ADAM32: variants seen among roughly 807,000 people sequenced by gnomAD.
ADAM32 encodes ADAM metallopeptidase domain 32.
In ADAM32, 89 loss-of-function variants were observed where a neutral mutation model predicts 114.9. The observed-to-expected ratio is 0.77, with a 90% confidence interval of 0.65 to 0.92. The LOEUF is 0.92. Among genes scored for constraint, ADAM32 ranks in the 40% least tolerant of loss-of-function variants. ADAM32 has a pLI of 0.00. For synonymous variants in ADAM32, 285 were observed against 307.5 expected (o/e 0.93, Z 0.77); for missense variants, 870 against 932.8 (o/e 0.93, Z 0.88).
At chr8:39,121,592 A>C (rs972517081) in intron 2 of ADAM32, among the ~76,000 whole-genome samples, 2 of 152,202 alleles carry the variant, frequency 1.3e-5, no homozygotes, top group Non-Finnish European at 2.9e-5. Flanking sequence ...CAGAACTTGA[A>C]GTATAATAAA....
intron 16 of ADAM32, among the ~76,000 whole-genome samples, chr8:39,244,689 G>A (rs1032677940): frequency 1.2e-4 from 19 of 152,086 alleles, no homozygotes; most frequent in East Asian, 3.8e-4. Flanking sequence ...ATCACACACC[G>A]GGGCCTGTTG....
chr8:39,155,787 A>AT (rs1285079382), intron 6 of ADAM32, among the ~76,000 whole-genome samples: 1 of 151,030 alleles, frequency 6.6e-6, no homozygotes, highest in South Asian at 2.1e-4. Flanking sequence ...TGTTTAGTGG[A>AT]TTTTTTTCTA....
chr8:39,270,855 A>T, intron 19 of ADAM32, 21 bp from the exon 20 acceptor site: 1 of 1,599,994 alleles, frequency 6.3e-7, no homozygotes, highest in African/African-American at 1.3e-5. Context: ...CTAACATGAG[A>T]CATTTTCAAT....
At position 39,223,214 on chromosome 8, in the gene ADAM32, CGTTGTGAGAGTGT is replaced by C; in HGVS notation, c.1502_1514del (p.Arg501HisfsTer48). ...CGGAGACTGCCATGATCTCGATGCA[CGTTGTGAGAGTGT>C]ATTTGGAAAAGGTAATATCTTTTTG... is the stretch of plus-strand genomic sequence containing the variant. On this transcript the variant is annotated frameshift_variant, in exon 14 of 25. Coordinates refer to ENST00000379907, the MANE Select transcript of ADAM32 (RefSeq NM_145004.7). LOFTEE classifies it high-confidence loss of function. The C allele has an allele frequency of 2.5e-6, 4 of 1,588,320 alleles. No homozygotes were observed. Among genetic ancestry groups the C allele is most frequent in the Non-Finnish European group, 3.4e-6 (4 of 1,169,232 alleles).
At chr8:39,145,575 G>A (rs1803456293) in intron 3 of ADAM32, among the ~76,000 whole-genome samples, 1 of 152,166 alleles carries the variant, frequency 6.6e-6, no homozygotes, top group Admixed American at 6.5e-5. Flanking sequence ...AAGGGACTTA[G>A]AAACGTAGAA....
intron 24 of ADAM32, 57 bp from the exon 25 acceptor site, chr8:39,284,736 T>G: frequency 6.3e-7 from 1 of 1,599,546 alleles, no homozygotes; most frequent in South Asian, 1.1e-5. Flanking sequence ...GCTTGTACAG[T>G]GGGAGGGAAT....
intron 16 of ADAM32, among the ~76,000 whole-genome samples, chr8:39,241,110 G>T (rs1026525885): frequency 4.6e-5 from 7 of 152,204 alleles, no homozygotes; most frequent in Non-Finnish European, 1.0e-4. Context: ...CCAAAATCCA[G>T]CAGGGCAGTG....
At chr8:39,190,783 T>C (rs1030468882) in intron 11 of ADAM32, among the ~76,000 whole-genome samples, 1 of 152,232 alleles carries the variant, frequency 6.6e-6, no homozygotes, top group Non-Finnish European at 1.5e-5. Flanking sequence ...ATTTTTATTT[T>C]AGGTTCAGGG....
At chr8:39,186,105 T>C (rs1377601560) in intron 10 of ADAM32, among the ~76,000 whole-genome samples, 1 of 152,224 alleles carries the variant, frequency 6.6e-6, no homozygotes, top group Non-Finnish European at 1.5e-5. Flanking sequence ...CTGATTCCGT[T>C]TGCATTTTCC....
intron 12 of ADAM32, among the ~76,000 whole-genome samples, chr8:39,218,033 A>G (rs986062756): frequency 1.3e-5 from 2 of 151,936 alleles, no homozygotes; most frequent in Non-Finnish European, 2.9e-5. Flanking sequence ...AGAGTATTTG[A>G]AAGGACTTAA....
At chr8:39,253,389 ACTTCT>A (rs148591564) in intron 17 of ADAM32, among the ~76,000 whole-genome samples, 1 of 151,844 alleles carries the variant, frequency 6.6e-6, no homozygotes, top group African/African-American at 2.4e-5. Flanking sequence ...CAGTCTCTGC[ACTTCT>A]CTTCAACTTG....
intron 16 of ADAM32, among the ~76,000 whole-genome samples, 165 bp from the exon 17 acceptor site, chr8:39,245,918 C>CA (rs562208494): frequency 8.5e-4 from 128 of 151,306 alleles, no homozygotes; most frequent in African/African-American, 2.9e-3. Context: ...TCTTTTCTTG[C>CA]AAAAAAAATA....
intron 2 of ADAM32, among the ~76,000 whole-genome samples, chr8:39,129,371 G>T (rs1802306886): frequency 6.6e-6 from 1 of 152,024 alleles, no homozygotes; most frequent in South Asian, 2.1e-4. Flanking sequence ...TCATGTTCAG[G>T]AGGTTCCCTT....
At chr8:39,121,056 A>G (rs976955064) in intron 2 of ADAM32, among the ~76,000 whole-genome samples, 1 of 152,246 alleles carries the variant, frequency 6.6e-6, no homozygotes, top group South Asian at 2.1e-4. Flanking sequence ...AAAAGGAACA[A>G]GAACTTGAAG....
intron 13 of ADAM32, among the ~76,000 whole-genome samples, chr8:39,222,707 C>A (rs982249060): frequency 1.3e-5 from 2 of 152,006 alleles, no homozygotes; most frequent in African/African-American, 2.4e-5. Context: ...TAGAAATGGA[C>A]TAAATTACAT....
At chr8:39,262,675 C>T (rs1812111154) in intron 19 of ADAM32, among the ~76,000 whole-genome samples, 1 of 151,360 alleles carries the variant, frequency 6.6e-6, no homozygotes, top group African/African-American at 2.4e-5. Flanking sequence ...CTTTCTCCCT[C>T]TCTCTCTTTC....
At chr8:39,183,600 A>G (rs1271385955) in intron 10 of ADAM32, among the ~76,000 whole-genome samples, 4 of 152,130 alleles carry the variant, frequency 2.6e-5, no homozygotes, top group African/African-American at 7.2e-5. Flanking sequence ...CCTAATGGCT[A>G]TGGGGGAAAT....
intron 16 of ADAM32, among the ~76,000 whole-genome samples, chr8:39,242,329 A>AT (rs1225071925): frequency 3.9e-5 from 6 of 152,092 alleles, no homozygotes; most frequent in Admixed American, 3.9e-4. Flanking sequence ...TCACTTTCAC[A>AT]TTTTTGGGTT....
upstream of ADAM32, chr8:39,107,659 C>T (rs1468564093): frequency 6.6e-7 from 1 of 1,514,676 alleles, no homozygotes; most frequent in Admixed American, 2.1e-5. Flanking sequence ...CCGGGGCCTC[C>T]GGAGAACGCT....
Sources: gnomAD v4.1 joint callset for allele counts (sites outside exome capture counted in the v4.1 genomes callset) on GRCh38, gnomAD v4.1.1 for gene constraint, MANE v1.5 for transcripts, NCBI Gene and HGNC (gene_info 2026-07-23, HGNC 2026-07-21) for gene names.